The following LMOD2 variants were observed in gnomAD, a reference collection of about 807,000 sequenced individuals.
LMOD2 encodes the protein leiomodin 2, also known as leiomodin-2.
LMOD2 carries 27 observed loss-of-function variants against 41.7 expected under a neutral mutation model. The ratio of observed to expected loss-of-function variants is 0.65; its 90% CI spans 0.48 to 0.89. LMOD2 has a LOEUF of 0.89. Ranked by LOEUF, LMOD2 falls within the 40% of genes least tolerant of loss-of-function variation. LMOD2 has a pLI of 0.00. For missense variants in LMOD2, 624 were observed against 667.9 expected (o/e 0.93, Z 0.72); for synonymous variants, 251 against 244.6 (o/e 1.03, Z -0.25).
At chr7:123,659,659 A>T (rs1802842870) in intron 1 of LMOD2, among the ~76,000 whole-genome samples, 1 of 152,228 alleles carries the variant, frequency 6.6e-6, no homozygotes, top group African/African-American at 2.4e-5. Context: ...GCACTGTGCT[A>T]GGTGAGCAAA....
chr7:123,656,051 C>T lies in LMOD2; in HGVS notation c.88C>T (p.Leu30=), dbSNP rs1382298972. ...CCTCGCCTCCCTGTCAGCCGAGGAG[C>T]TGAAGGAGCTAGAGAGAGAGTTGGA... ...ELLASLSAEE[L]KELERELEDI... Residue 30 remains leucine, a synonymous_variant, in exon 1 of 3, where the codon CTG becomes TTG. Transcript: ENST00000458573. 18 of 1,611,496 alleles carry T rather than the reference C, an allele frequency of 1.1e-5. No individual in the cohort carries two copies. The highest frequency in any genetic ancestry group is 1.4e-5 in the Non-Finnish European group (17 of 1,178,976).
intron 2 of LMOD2, 167 bp downstream of exon 2, chr7:123,663,370 G>C: frequency 1.2e-6 from 1 of 861,858 alleles, no homozygotes; most frequent in Non-Finnish European, 1.7e-6. Context: ...AGGCACACAA[G>C]TGAGCACATT....
At chr7:123,658,489 A>T (rs2116733628) in intron 1 of LMOD2, among the ~76,000 whole-genome samples, 1 of 152,332 alleles carries the variant, frequency 6.6e-6, no homozygotes, top group Non-Finnish European at 1.5e-5. Flanking sequence ...AAGGCTTATA[A>T]AAAGCAGATG....
At position 123,657,358 on chromosome 7, in the gene LMOD2, C is replaced by T. The variant is rs1802804338; in HGVS notation, c.273+1122C>T. On this transcript the variant is annotated intron_variant, in intron 1 of 2. Transcript: ENST00000458573. ...TGGCCTAAAGCCAATGGCAAGACTT[C>T]CACAGTACTAATCTAGGGCTGTTAG... Among the ~76,000 whole-genome samples the T allele has an allele frequency of 2.6e-5, 4 of 152,312 alleles. No individual in the cohort carries two copies. In the South Asian group the frequency reaches 8.3e-4, roughly 32 times the overall value.
chr7:123,661,956 G>T lies in LMOD2; in HGVS notation c.370G>T (p.Glu124Ter), dbSNP rs1321961275. ...AGTGTATACAGAGGAGGAGGAGGAG[G>T]AGTCCCAGGAGGAAGAGGAGGAAGA... ...EEVYTEEEEE[E>*]SQEEEEEEDS... is the part of the protein sequence containing the mutation. Residue 124 changes from glutamate to a stop codon, truncating the protein, a stop_gained, in exon 2 of 3, where the codon GAG (glutamate) becomes TAG (stop). Coordinates refer to ENST00000458573, the MANE Select transcript of LMOD2 (RefSeq NM_207163.3). LOFTEE classifies it high-confidence loss of function. 12 of 1,555,312 alleles carry T rather than the reference G, an allele frequency of 7.7e-6. No individual in the cohort carries two copies. The highest frequency in any genetic ancestry group is 3.6e-5 in the South Asian group (3 of 84,354).
chr7:123,656,511 A>G (rs901475087), intron 1 of LMOD2, among the ~76,000 whole-genome samples: 2 of 152,214 alleles, frequency 1.3e-5, no homozygotes, highest in Non-Finnish European at 2.9e-5. Context: ...AGTGTATGGG[A>G]TTCAATATTT....
chr7:123,662,362 C>G lies in LMOD2; in HGVS notation c.776C>G (p.Ala259Gly). Residue 259 changes from alanine (A) to glycine (G), a missense_variant, in exon 2 of 3, where the codon GCC (alanine) becomes GGC (glycine). Transcript: ENST00000458573. This position sits in a 1 kb window ranked among gnomAD's most constrained non-coding sequence, Gnocchi z 4.0. ...NTHADDSAAM[A>G]IAEMLKVNEH... is the part of the protein sequence containing the mutation. ...CATGCCGACGACAGTGCAGCCATGG[C>G]CATTGCAGAGATGCTCAAAGTCAAT... 1 of 1,613,664 alleles carries G rather than the reference C, an allele frequency of 6.2e-7. No homozygotes were observed. The highest frequency in any genetic ancestry group is 8.5e-7 in the Non-Finnish European group (1 of 1,179,784).
rs1356455739 is a variant in LMOD2, at chr7:123,663,010, A to T, written c.1424A>T (p.Asn475Ile). ...QQESAQRALQ[N>I]GQKKKKGKKV... is the part of the protein sequence containing the mutation. ...GAGAGTGCCCAACGGGCATTACAAAATGGACAAAAAAAGAAAAAAGGGAAA... is the reference window on the plus strand; with the variant it reads ...GAGAGTGCCCAACGGGCATTACAAATTGGACAAAAAAAGAAAAAAGGGAAA... The change falls in exon 2 of 3, where the codon AAT (asparagine) becomes ATT (isoleucine). Residue 475 changes from asparagine (N) to isoleucine (I), a missense_variant. Transcript: ENST00000458573. 1 of 1,552,040 alleles carries T rather than the reference A, an allele frequency of 6.4e-7. No individual in the cohort carries two copies. Among genetic ancestry groups the T allele is most frequent in the Admixed American group, 2.0e-5 (1 of 50,688 alleles).
In LMOD2 at chr7:123,662,198, C is replaced by A; in HGVS notation, c.612C>A (p.Asp204Glu). 6.2e-7 allele frequency: 1 copy of A among 1,613,910 alleles called. No individual in the cohort carries two copies. The highest frequency in any genetic ancestry group is 8.5e-7 in the Non-Finnish European group (1 of 1,179,870). The change falls in exon 2 of 3, where the codon GAC (aspartate) becomes GAA (glutamate). Residue 204 changes from aspartate (D) to glutamate (E), a missense_variant. By Grantham distance (45) the Asp-to-Glu change is conservative. Coordinates refer to ENST00000458573, the MANE Select transcript of LMOD2 (RefSeq NM_207163.3). The surrounding 1 kb of genome is among the most constrained non-coding windows in gnomAD (Gnocchi z 4.0). ...CTACAGTGATTGAGGACGCTTTGGA[C>A]AAGATTAAAAGCAATGACCCTGACA... ...GNPTVIEDAL[D>E]KIKSNDPDTT...
At position 123,663,989 on chromosome 7, in the gene LMOD2, T is replaced by C. The variant is rs1054853202; in HGVS notation, c.*244T>C. On this transcript the variant is annotated 3_prime_UTR_variant, in exon 3 of 3. Transcript: ENST00000458573. ...CAAGAAGCAGTTAATTTAAAGATGCTCTTCCTATCTGTGGATGTGTTGGTA... is the reference window on the plus strand; with the variant it reads ...CAAGAAGCAGTTAATTTAAAGATGCCCTTCCTATCTGTGGATGTGTTGGTA... 8.7e-5 allele frequency: 42 copies of C among 482,048 alleles called. No individual in the cohort carries two copies. Among genetic ancestry groups the C allele is most frequent in the Admixed American group, 6.0e-4 (16 of 26,484 alleles). The allele number at this position is 482,048 out of a possible 1,614,324, so 29.9% of individuals were successfully genotyped here.
rs1256586393 is a variant in LMOD2, at chr7:123,663,893, G to A, written c.*148G>A. ...CCATTAATTCCAAAGAGAATCTTAA[G>A]AAACAATCAGCATGTTTCTTCTGTA... On this transcript the variant is annotated 3_prime_UTR_variant, in exon 3 of 3. Transcript: ENST00000458573. 1 of 648,060 alleles carries A rather than the reference G, an allele frequency of 1.5e-6. No homozygotes were observed. The allele number at this position is 648,060 out of a possible 1,614,324, so 40.1% of individuals were successfully genotyped here.
At position 123,662,176 on chromosome 7, in the gene LMOD2, C is replaced by T. The variant is rs755030582; in HGVS notation, c.590C>T (p.Thr197Ile). The T allele has an allele frequency of 6.2e-7, 1 of 1,613,898 alleles. No homozygotes were observed. The highest frequency in any genetic ancestry group is 8.5e-7 in the Non-Finnish European group (1 of 1,179,846). Residue 197 changes from threonine to isoleucine, a missense_variant, in exon 2 of 3, where the codon ACA becomes ATA. Transcript: ENST00000458573. The surrounding 1 kb of genome is among the most constrained non-coding windows in gnomAD (Gnocchi z 4.0). ...PAAIHPCGNP[T>I]VIEDALDKIK... ...GCCATTCACCCTTGTGGAAATCCTACAGTGATTGAGGACGCTTTGGACAAG... is the reference window on the plus strand; with the variant it reads ...GCCATTCACCCTTGTGGAAATCCTATAGTGATTGAGGACGCTTTGGACAAG...
intron 1 of LMOD2, among the ~76,000 whole-genome samples, chr7:123,660,326 C>T (rs1324056986): frequency 2.0e-5 from 3 of 150,538 alleles, no homozygotes; most frequent in Non-Finnish European, 4.4e-5. Context: ...CTCTCTCTCA[C>T]ACACACACAC....
In LMOD2 at chr7:123,662,573, G is replaced by A; in HGVS notation, c.987G>A (p.Leu329=). ...TGCTGAAGGAGAACACGACGCTGCTGAGGCTGGGATACCATTTTGAACTCC... is the reference window on the plus strand; with the variant it reads ...TGCTGAAGGAGAACACGACGCTGCTAAGGCTGGGATACCATTTTGAACTCC... ...VKLLKENTTL[L]RLGYHFELPG... Residue 329 remains leucine, a synonymous_variant, in exon 2 of 3, where the codon CTG becomes CTA. Coordinates refer to ENST00000458573, the MANE Select transcript of LMOD2 (RefSeq NM_207163.3). The surrounding 1 kb of genome is among the most constrained non-coding windows in gnomAD (Gnocchi z 4.0). 2 of 1,613,966 alleles carry A rather than the reference G, an allele frequency of 1.2e-6. No individual in the cohort carries two copies. Among genetic ancestry groups the A allele is most frequent in the African/African-American group, 2.7e-5 (2 of 75,020 alleles).
Position 123,663,828 on chromosome 7 carries a change from T to G in LMOD2, c.*83T>G. On this transcript the variant is annotated 3_prime_UTR_variant, in exon 3 of 3. Coordinates refer to ENST00000458573, the MANE Select transcript of LMOD2 (RefSeq NM_207163.3). ...TGTGAGATGTTTCTAAAATACCTTC[T>G]TCAATTCAAAATGATCCCTGACTTT... is the stretch of plus-strand genomic sequence containing the variant. 8.8e-7 allele frequency: 1 copy of G among 1,138,502 alleles called. No homozygotes were observed. Among genetic ancestry groups the G allele is most frequent in the Non-Finnish European group, 1.3e-6 (1 of 792,002 alleles). 70.5% of individuals were successfully genotyped at this position (1,138,502 alleles called of 1,614,324 possible). A position where few individuals can be genotyped will look rare whatever the true frequency, so the allele number is the denominator to read the frequency against.
rs760754100 is a variant in LMOD2 at position 123,662,620 on chromosome 7, C to T, written c.1034C>T (p.Thr345Met). 1.7e-5 allele frequency: 27 copies of T among 1,613,808 alleles called. No individual in the cohort carries two copies. Among genetic ancestry groups the T allele is most frequent in the African/African-American group, 4.0e-5 (3 of 74,910 alleles). Residue 345 changes from threonine (T) to methionine (M), a missense_variant, in exon 2 of 3, where the codon ACG becomes ATG. Transcript: ENST00000458573. The surrounding 1 kb of genome is among the most constrained non-coding windows in gnomAD (Gnocchi z 4.0). ...CTCCCAGGACCAAGAATGAGCATGA[C>T]GAGCATTTTGACAAGAAATATGGAT... ...FELPGPRMSM[T>M]SILTRNMDKQ...
At chr7:123,660,001 C>T (rs1802848193) in intron 1 of LMOD2, among the ~76,000 whole-genome samples, 1 of 152,078 alleles carries the variant, frequency 6.6e-6, no homozygotes, top group Admixed American at 6.6e-5. Context: ...TGAGACAGGC[C>T]CCTTTCCTCC....
intron 1 of LMOD2, among the ~76,000 whole-genome samples, chr7:123,657,635 T>C (rs1167444650): frequency 6.6e-6 from 1 of 151,936 alleles, no homozygotes; most frequent in Non-Finnish European, 1.5e-5. Context: ...AGCATCAAAA[T>C]AACAATGACA....
intron 1 of LMOD2, among the ~76,000 whole-genome samples, chr7:123,657,948 C>T (rs1264323291): frequency 6.9e-6 from 1 of 144,344 alleles, no homozygotes; most frequent in Non-Finnish European, 1.5e-5. Context: ...TATGGTTGTG[C>T]CACTGCACTC....
Sources: gnomAD v4.1 joint callset for allele counts (sites outside exome capture counted in the v4.1 genomes callset) on GRCh38, gnomAD v4.1.1 for gene constraint, Gnocchi (gnomAD v3.1) non-coding constraint, MANE v1.5 for transcripts, NCBI Gene and HGNC (gene_info 2026-07-23, HGNC 2026-07-21) for gene names.